The following SHOC2 variants were observed in gnomAD, a reference collection of about 807,000 sequenced individuals.
SHOC2 encodes the protein leucine-rich repeat protein SHOC-2.
A neutral mutation model predicts 50.2 loss-of-function variants in SHOC2; 4 were observed. That is an observed-to-expected ratio of 0.08 (90% CI 0.04 to 0.18). The LOEUF is 0.18. SHOC2 is among the 10% of genes least tolerant of loss of function. The pLI is 1.00. For synonymous variants in SHOC2, 218 were observed against 244.5 expected (o/e 0.89, Z 1.01); for missense variants, 388 against 669.6 (o/e 0.58, Z 4.64).
At chr10:110,983,705 C>T (rs1848026984) in intron 2 of SHOC2, among the ~76,000 whole-genome samples, 2 of 152,136 alleles carry the variant, frequency 1.3e-5, no homozygotes, top group African/African-American at 4.8e-5. Context: ...CTACTAACCA[C>T]GGTTCTGCTT....
At chr10:110,930,235 A>T (rs576759345) in intron 1 of SHOC2, among the ~76,000 whole-genome samples, 2 of 152,326 alleles carry the variant, frequency 1.3e-5, no homozygotes, top group African/African-American at 4.8e-5. Flanking sequence ...AAATGTAAGA[A>T]ACGCCAGTTG....
At chr10:110,951,102 T>C (rs947452568) in intron 1 of SHOC2, among the ~76,000 whole-genome samples, 2 of 152,212 alleles carry the variant, frequency 1.3e-5, no homozygotes, top group African/African-American at 4.8e-5. Flanking sequence ...GAACAATAAT[T>C]GACAGAATAG....
At chr10:110,947,761 A>C (rs1847274799) in intron 1 of SHOC2, among the ~76,000 whole-genome samples, 2 of 147,892 alleles carry the variant, frequency 1.4e-5, no homozygotes, top group Non-Finnish European at 3.0e-5. Context: ...AAAGCAAATA[A>C]GTACCAAAAA....
At chr10:111,009,936 TA>T (rs1341256553) in intron 8 of SHOC2, 106 bp downstream of exon 8, 1 of 742,374 alleles carries the variant, frequency 1.3e-6, no homozygotes, top group Non-Finnish European at 2.4e-6. Context: ...AAACTGAGGT[TA>T]TATCAGGCTT....
intron 5 of SHOC2, 52 bp from the exon 6 acceptor site, chr10:111,007,479 A>G: frequency 1.2e-6 from 2 of 1,603,100 alleles, no homozygotes; most frequent in South Asian, 2.2e-5. Flanking sequence ...AGGTATATAT[A>G]GAACTTTGTT....
In SHOC2 at chr10:111,011,604, A is replaced by T; in HGVS notation, c.1541-6A>T. On this transcript the variant is annotated splice_region_variant and splice_polypyrimidine_tract_variant and intron_variant, in intron 8 of 8. Coordinates refer to ENST00000369452, the MANE Select transcript of SHOC2 (RefSeq NM_007373.4). ...TTAAAAAAAAATTGATTTTTTTTTT[A>T]AACAGGTACACTGGAGAACCTAGAA... 1.3e-6 allele frequency: 2 copies of T among 1,597,772 alleles called. No individual in the cohort carries two copies. The highest frequency in any genetic ancestry group is 1.7e-6 in the Non-Finnish European group (2 of 1,167,030).
chr10:110,993,823 C>G (rs1386500343), intron 3 of SHOC2, among the ~76,000 whole-genome samples: 1 of 152,144 alleles, frequency 6.6e-6, no homozygotes, highest in Non-Finnish European at 1.5e-5. Context: ...GGTTCCCCTA[C>G]TAACCTTTGT....
At chr10:110,995,896 CTTCT>C (rs1182854026) in intron 3 of SHOC2, among the ~76,000 whole-genome samples, 1 of 152,136 alleles carries the variant, frequency 6.6e-6, no homozygotes, top group African/African-American at 2.4e-5. Flanking sequence ...AGAGATGTTC[CTTCT>C]TTCTAAGATT....
intron 2 of SHOC2, among the ~76,000 whole-genome samples, chr10:110,976,997 A>G (rs1847890293): frequency 6.6e-6 from 1 of 151,916 alleles, no homozygotes; most frequent in African/African-American, 2.4e-5. Context: ...GCTGTATATC[A>G]TTTCTTCTTC....
Position 111,011,931 on chromosome 10 carries a change from G to T in SHOC2, c.*113G>T. ...GGTATATGGCAGATTTATAAAAATT[G>T]CATTATGTGTTTCTGCTAATAGAGG... On this transcript the variant is annotated 3_prime_UTR_variant, in exon 9 of 9. Coordinates refer to ENST00000369452, the MANE Select transcript of SHOC2 (RefSeq NM_007373.4). 2 of 884,726 alleles carry T rather than the reference G, an allele frequency of 2.3e-6. No homozygotes were observed. The highest frequency in any genetic ancestry group is 3.6e-6 in the Non-Finnish European group (2 of 554,544). 54.8% of individuals were successfully genotyped at this position (884,726 alleles called of 1,614,324 possible). A position where few individuals can be genotyped will look rare whatever the true frequency, so the allele number is the denominator to read the frequency against.
chr10:110,925,962 G>A (rs1846762952), intron 1 of SHOC2, among the ~76,000 whole-genome samples: 1 of 152,108 alleles, frequency 6.6e-6, no homozygotes, highest in South Asian at 2.1e-4. Flanking sequence ...TAAACATGTT[G>A]TTACACCTCA....
intron 1 of SHOC2, among the ~76,000 whole-genome samples, chr10:110,947,715 G>A (rs1249540546): frequency 6.8e-6 from 1 of 146,792 alleles, no homozygotes; most frequent in Non-Finnish European, 1.5e-5. Context: ...ACATTTCGTG[G>A]AGAAAAACCC....
intron 3 of SHOC2, among the ~76,000 whole-genome samples, chr10:110,995,945 T>C (rs1206420061): frequency 3.9e-5 from 6 of 152,236 alleles, no homozygotes; most frequent in African/African-American, 1.4e-4. Context: ...CCAGCTTTGA[T>C]CCTTTGTGTT....
chr10:111,011,840 C>G lies in SHOC2; in HGVS notation c.*22C>G. On this transcript the variant is annotated 3_prime_UTR_variant, in exon 9 of 9. Coordinates refer to ENST00000369452, the MANE Select transcript of SHOC2 (RefSeq NM_007373.4). ...CTGATATAAATCTGCTGGTCCCACACACTGTTCAAAAATAGACTGCCATTA... is the reference window on the plus strand; with the variant it reads ...CTGATATAAATCTGCTGGTCCCACAGACTGTTCAAAAATAGACTGCCATTA... 1.9e-6 allele frequency: 3 copies of G among 1,576,204 alleles called. No individual in the cohort carries two copies. Among genetic ancestry groups the G allele is most frequent in the Non-Finnish European group, 2.6e-6 (3 of 1,145,602 alleles).
At chr10:110,991,309 G>A (rs74156322) in intron 3 of SHOC2, among the ~76,000 whole-genome samples, 192 of 152,190 alleles carry the variant, frequency 1.3e-3, no homozygotes, top group African/African-American at 4.3e-3. Flanking sequence ...TTTTAAGTGT[G>A]TTTACTAATA....
At chr10:110,921,245 T>A (rs1484258356) in intron 1 of SHOC2, among the ~76,000 whole-genome samples, 1 of 152,226 alleles carries the variant, frequency 6.6e-6, no homozygotes, top group Non-Finnish European at 1.5e-5. Context: ...AGGAATAAAG[T>A]ATGCAAATGA....
At chr10:110,961,258 C>T (rs180806268) in intron 1 of SHOC2, among the ~76,000 whole-genome samples, 46 of 152,210 alleles carry the variant, frequency 3.0e-4, no homozygotes, top group African/African-American at 1.1e-3. Flanking sequence ...ATATAGCCTT[C>T]CCCCAAAACA....
chr10:110,945,698 T>C (rs1370281106), intron 1 of SHOC2, among the ~76,000 whole-genome samples: 1 of 152,086 alleles, frequency 6.6e-6, no homozygotes, highest in Admixed American at 6.6e-5. Flanking sequence ...CCACTCAGAC[T>C]CTGACTCTCC....
At chr10:110,981,104 A>G in intron 2 of SHOC2, among the ~76,000 whole-genome samples, 1 of 152,328 alleles carries the variant, frequency 6.6e-6, no homozygotes, top group East Asian at 1.9e-4. Context: ...AAGATAAAGA[A>G]CTTTGTGAAT....
Sources: allele counts gnomAD v4.1 joint callset (sites outside exome capture counted in the v4.1 genomes callset), GRCh38; gene constraint gnomAD v4.1.1; transcripts MANE v1.5; gene names NCBI Gene and HGNC (gene_info 2026-07-23, HGNC 2026-07-21).